Variants in FAM186B observed in about 807,000 individuals in gnomAD.
FAM186B encodes protein FAM186B.
A neutral mutation model predicts 83.4 loss-of-function variants in FAM186B; 68 were observed. That is an observed-to-expected ratio of 0.81 (90% confidence interval 0.67 to 1.00). FAM186B has a LOEUF of 1.00. FAM186B is among the 50% of genes least tolerant of loss of function. FAM186B has a pLI of 0.00. For missense variants in FAM186B, 983 were observed against 1,099.2 expected, an observed-to-expected ratio of 0.89 and a Z score of 1.49; for synonymous variants, 389 against 422.0, an observed-to-expected ratio of 0.92 and a Z score of 0.96.
At chr12:49,599,047 C>T in intron 4 of FAM186B, 100 bp from the exon 5 acceptor site, 1 of 1,266,628 alleles carries the variant, frequency 7.9e-7, no homozygotes, top group Non-Finnish European at 1.1e-6. Flanking sequence ...TTCCTTAGAG[C>T]AAAAAGAGAA....
In FAM186B at chr12:49,598,791, T is replaced by C. The variant is rs1939789037; in HGVS notation, c.2328A>G (p.Arg776=). 3 of 1,611,710 alleles carry C rather than the reference T, an allele frequency of 1.9e-6. No individual in the cohort carries two copies. The highest frequency in any genetic ancestry group is 1.7e-4 in the Middle Eastern group (1 of 5,856). ...TGGTCACCATGCTGCTCAGGCACTC[T>C]CGGTGCTTCTCCTCCAGCCCCTTCT... ...DKQKGLEEKH[R]ECLSSMVTMF... Residue 776 remains arginine, a synonymous_variant, in exon 5 of 7, where the codon CGA becomes CGG. Coordinates refer to ENST00000257894, the MANE Select transcript of FAM186B (RefSeq NM_032130.3).
chr12:49,592,803 TAACAA>T (rs1469540624), intron 5 of FAM186B, among the ~76,000 whole-genome samples: 3 of 150,974 alleles, frequency 2.0e-5, no homozygotes, highest in Admixed American at 6.6e-5. Context: ...AAATAAAAAA[TAACAA>T]AACAAAGAGG....
chr12:49,620,349 G>A, the FAM186B span, among the ~76,000 whole-genome samples: 1 of 152,116 alleles, frequency 6.6e-6, no homozygotes, highest in Non-Finnish European at 1.5e-5. Flanking sequence ...CTTGTGGACT[G>A]GCTGGCTCTT....
intron 4 of FAM186B, 68 bp from the exon 5 acceptor site, chr12:49,599,015 G>C (rs930402456): frequency 6.7e-7 from 1 of 1,498,078 alleles, no homozygotes; most frequent in African/African-American, 1.4e-5. Context: ...CTGTTAACCA[G>C]AGATGACTTT....
rs766594506 is a variant in FAM186B, at chr12:49,600,959, C to G, written c.681G>C (p.Lys227Asn). ...QELLDSTMFS[K>N]GEVRAIRYMA... ...TGTACCTGATGGCCCTGACCTCCCC[C>G]TTGCTGAACATGGTAGAGTCCAGGA... Residue 227 changes from lysine to asparagine, a missense_variant, in exon 4 of 7, where the codon AAG (lysine) becomes AAC (asparagine). Lys to Asn is a moderately conservative substitution (Grantham distance 94, BLOSUM62 0). Coordinates refer to ENST00000257894, the MANE Select transcript of FAM186B (RefSeq NM_032130.3). The surrounding 1 kb of genome is among the most constrained non-coding windows in gnomAD (Gnocchi z 4.3). 1 of 1,614,114 alleles carries G rather than the reference C, an allele frequency of 6.2e-7. No individual in the cohort carries two copies. The highest frequency in any genetic ancestry group is 8.5e-7 in the Non-Finnish European group (1 of 1,179,978).
intron 3 of FAM186B, among the ~76,000 whole-genome samples, chr12:49,602,376 G>A (rs528796300): frequency 7.9e-5 from 12 of 152,282 alleles, no homozygotes; most frequent in Non-Finnish European, 8.8e-5. Flanking sequence ...TTGATAATGA[G>A]GCTGGCCATG....
At chr12:49,589,262 C>G (rs1462547773) in intron 5 of FAM186B, among the ~76,000 whole-genome samples, 1 of 152,198 alleles carries the variant, frequency 6.6e-6, no homozygotes, top group Non-Finnish European at 1.5e-5. Flanking sequence ...GGTGGTACCT[C>G]CTGACCCAAC....
the FAM186B span, among the ~76,000 whole-genome samples, chr12:49,612,317 A>G: frequency 6.6e-6 from 1 of 152,146 alleles, no homozygotes; most frequent in Non-Finnish European, 1.5e-5. Context: ...CTTTCTTCAA[A>G]AAGAGCAAGG....
intron 5 of FAM186B, among the ~76,000 whole-genome samples, chr12:49,590,378 G>A (rs1409632252): frequency 6.6e-6 from 1 of 152,158 alleles, no homozygotes; most frequent in Non-Finnish European, 1.5e-5. Flanking sequence ...ACCCACTTTA[G>A]TGATTATGAG....
At chr12:49,593,741 G>A (rs1939644198) in intron 5 of FAM186B, among the ~76,000 whole-genome samples, 1 of 152,062 alleles carries the variant, frequency 6.6e-6, no homozygotes, top group Non-Finnish European at 1.5e-5. Flanking sequence ...GGGAGGTCAA[G>A]GTGGCAGGAT....
chr12:49,607,172 C>T (rs1300701088), upstream of FAM186B, among the ~76,000 whole-genome samples: 1 of 151,648 alleles, frequency 6.6e-6, no homozygotes, highest in Non-Finnish European at 1.5e-5. Flanking sequence ...CCAAAATAAG[C>T]AGAAGGAAGG....
At chr12:49,591,582 C>T (rs1035231235) in intron 5 of FAM186B, among the ~76,000 whole-genome samples, 1 of 126,162 alleles carries the variant, frequency 7.9e-6, no homozygotes, top group Non-Finnish European at 1.8e-5. Context: ...GAAAATGATA[C>T]CCAAAATACA....
chr12:49,584,545 C>T (rs1361646188), downstream of FAM186B: 2 of 702,188 alleles, frequency 2.8e-6, no homozygotes, highest in Non-Finnish European at 5.2e-6. Flanking sequence ...ACTCGCTTGA[C>T]TTTTTTTGAA....
At chr12:49,609,150 C>T (rs1940061098), upstream of FAM186B, among the ~76,000 whole-genome samples, 1 of 152,108 alleles carries the variant, frequency 6.6e-6, no homozygotes, top group South Asian at 2.1e-4. Flanking sequence ...AAAGGGACTG[C>T]TACAGCTGTG....
intron 5 of FAM186B, chr12:49,593,204 C>T (rs1939626090): frequency 6.6e-6 from 1 of 152,114 alleles, no homozygotes; most frequent in Non-Finnish European, 1.5e-5. Flanking sequence ...ATGAAGTGTT[C>T]CAGTAAATAA....
intron 5 of FAM186B, among the ~76,000 whole-genome samples, chr12:49,596,323 C>CAAAAAA (rs933362822): frequency 1.6e-5 from 1 of 64,312 alleles, no homozygotes. Context: ...ACCCCCGTCT[C>CAAAAAA]AAAAAAAAAA....
the FAM186B span, among the ~76,000 whole-genome samples, chr12:49,617,312 G>A: frequency 1.7e-3 from 263 of 152,278 alleles, 1 homozygote; most frequent in African/African-American, 5.8e-3. Context: ...TCGGAGGCCA[G>A]GGCAGGCAGA....
downstream of FAM186B, chr12:49,584,499 C>G (rs961485894): frequency 1.4e-6 from 1 of 702,354 alleles, no homozygotes; most frequent in Non-Finnish European, 2.6e-6. Flanking sequence ...CTGGGGCTGT[C>G]TTGATCCTTC....
chr12:49,583,301 GTCAC>G, downstream of FAM186B: 1 of 331,908 alleles, frequency 3.0e-6, no homozygotes, highest in Non-Finnish European at 6.0e-6. Flanking sequence ...TTGCTGAGAT[GTCAC>G]TCACAGCTAA....
Sources: gnomAD v4.1 joint callset for allele counts (sites outside exome capture counted in the v4.1 genomes callset) on GRCh38, gnomAD v4.1.1 for gene constraint, Gnocchi (gnomAD v3.1) non-coding constraint, MANE v1.5 for transcripts, NCBI Gene and HGNC (gene_info 2026-07-23, HGNC 2026-07-21) for gene names.